Variants in BMPR1A observed in about 807,000 individuals in gnomAD.
BMPR1A encodes the protein bone morphogenetic protein receptor type 1A, also known as bone morphogenetic protein receptor type-1A.
BMPR1A carries 7 observed loss-of-function variants against 66.0 expected under a neutral mutation model. That is an observed-to-expected ratio of 0.11 (90% CI 0.06 to 0.20). The LOEUF is 0.20. Ranked by LOEUF, BMPR1A falls within the 10% of genes least tolerant of loss-of-function variation. The pLI is 1.00. For synonymous variants in BMPR1A, 200 were observed against 229.7 expected, an observed-to-expected ratio of 0.87 and a Z score of 1.17; for missense variants, 408 against 669.1, an observed-to-expected ratio of 0.61 and a Z score of 4.31.
intron 1 of BMPR1A, among the ~76,000 whole-genome samples, chr10:86,785,249 T>C (rs1841498814): frequency 6.6e-6 from 1 of 152,236 alleles, no homozygotes; most frequent in South Asian, 2.1e-4. Flanking sequence ...TCTTGGAGAA[T>C]GTTGCATGTG....
chr10:86,819,001 G>A (rs1045110211), intron 1 of BMPR1A, among the ~76,000 whole-genome samples: 1 of 152,136 alleles, frequency 6.6e-6, no homozygotes, highest in African/African-American at 2.4e-5. Flanking sequence ...TCCTGCCTCC[G>A]AATTGTTTTG....
chr10:86,813,865 A>T (rs565003615), intron 1 of BMPR1A, among the ~76,000 whole-genome samples: 6 of 152,326 alleles, frequency 3.9e-5, no homozygotes, highest in Admixed American at 3.9e-4. Context: ...AGAAGGGCTT[A>T]TGGGAACAAT....
At chr10:86,900,442 G>C (rs749673) in intron 7 of BMPR1A, among the ~76,000 whole-genome samples, 1 of 146,702 alleles carries the variant, frequency 6.8e-6, no homozygotes, top group African/African-American at 2.5e-5. Context: ...TTTTTTTTGC[G>C]TTATAATTCT....
chr10:86,790,560 A>C (rs1348445728), intron 1 of BMPR1A, among the ~76,000 whole-genome samples: 1 of 152,172 alleles, frequency 6.6e-6, no homozygotes, highest in African/African-American at 2.4e-5. Context: ...CAACCGATAA[A>C]TAGATAAACA....
chr10:86,811,013 A>G (rs1020531767), intron 1 of BMPR1A, among the ~76,000 whole-genome samples: 1 of 152,128 alleles, frequency 6.6e-6, no homozygotes, highest in Non-Finnish European at 1.5e-5. Context: ...GTGAACCACC[A>G]CAGCACCCGG....
chr10:86,781,853 A>ATT (rs1589713138), intron 1 of BMPR1A, among the ~76,000 whole-genome samples: 1 of 100,976 alleles, frequency 9.9e-6, no homozygotes. Context: ...ATATGACAGG[A>ATT]TTTCTTTTTT....
chr10:86,845,172 C>T (rs1842467163), intron 2 of BMPR1A, among the ~76,000 whole-genome samples: 2 of 152,184 alleles, frequency 1.3e-5, no homozygotes, highest in African/African-American at 4.8e-5. Flanking sequence ...AAAAGACTTA[C>T]TGGCTGATAG....
intron 9 of BMPR1A, 94 bp downstream of exon 9, chr10:86,917,420 C>G: frequency 7.0e-7 from 1 of 1,425,218 alleles, no homozygotes; most frequent in African/African-American, 1.4e-5. Flanking sequence ...TGTGTGAGTT[C>G]AACTATATAC....
chr10:86,786,153 C>G (rs1458445253), intron 1 of BMPR1A, among the ~76,000 whole-genome samples: 1 of 152,092 alleles, frequency 6.6e-6, no homozygotes, highest in African/African-American at 2.4e-5. Context: ...TGCTTCTAGC[C>G]AGGGCCAAAA....
chr10:86,846,626 T>C (rs889907955), intron 2 of BMPR1A, among the ~76,000 whole-genome samples: 2 of 151,888 alleles, frequency 1.3e-5, no homozygotes, highest in African/African-American at 4.8e-5. Context: ...GCATGAACCC[T>C]GGAGGTGGAG....
At chr10:86,859,004 A>G (rs59880356) in intron 2 of BMPR1A, among the ~76,000 whole-genome samples, 2 of 152,232 alleles carry the variant, frequency 1.3e-5, no homozygotes, top group Non-Finnish European at 2.9e-5. Context: ...GAGGCATCAC[A>G]CTACCAGACT....
intron 3 of BMPR1A, among the ~76,000 whole-genome samples, chr10:86,884,661 C>T (rs61856961): frequency 0.15 from 22,486 of 151,412 alleles, 2,678 homozygotes; most frequent in East Asian, 0.67. Flanking sequence ...GCAGTCCACC[C>T]GCCTCGGCCT....
At chr10:86,884,628 T>G (rs1295113926) in intron 3 of BMPR1A, among the ~76,000 whole-genome samples, 1 of 151,256 alleles carries the variant, frequency 6.6e-6, no homozygotes, top group Admixed American at 6.6e-5. Flanking sequence ...TTGGCCAGAC[T>G]GGTCTCAAAC....
chr10:86,905,953 C>G (rs1280467026), intron 7 of BMPR1A, among the ~76,000 whole-genome samples: 1 of 152,116 alleles, frequency 6.6e-6, no homozygotes, highest in Admixed American at 6.5e-5. Flanking sequence ...ATTTTTATCA[C>G]TTTCAGCACT....
rs34031688 is a variant in BMPR1A, at chr10:86,765,073, G to A, written c.-268+8154G>A. Reference sequence around the variant, plus strand: ...TAAAAAAACAAAACTGATTTCACAGGATTCTTTTTACTTTTTAAATGTGGC... The same window carrying A: ...TAAAAAAACAAAACTGATTTCACAGAATTCTTTTTACTTTTTAAATGTGGC... On this transcript the variant is annotated intron_variant, in intron 1 of 12. Coordinates refer to ENST00000372037, the MANE Select transcript of BMPR1A (RefSeq NM_004329.3). Among the ~76,000 whole-genome samples, 1,958 of 152,106 alleles carry A rather than the reference G, an allele frequency of 0.013. 26 individuals carry two copies. The highest frequency in any genetic ancestry group is 0.022 in the Non-Finnish European group (1,496 of 67,968).
At chr10:86,858,577 TA>T (rs1410480275) in intron 2 of BMPR1A, among the ~76,000 whole-genome samples, 2 of 152,186 alleles carry the variant, frequency 1.3e-5, no homozygotes, top group African/African-American at 2.4e-5. Context: ...TTAGAACTGA[TA>T]AATGAATTTA....
chr10:86,773,946 GT>G (rs1224573107), intron 1 of BMPR1A, among the ~76,000 whole-genome samples: 1 of 151,612 alleles, frequency 6.6e-6, no homozygotes, highest in Non-Finnish European at 1.5e-5. Flanking sequence ...TGCCTCCTGG[GT>G]TCAAGCGATT....
rs1469597503 is a variant in BMPR1A at position 86,917,294 on chromosome 10, A to C, written c.836A>C (p.Gln279Pro). 1 of 1,614,142 alleles carries C rather than the reference A, an allele frequency of 6.2e-7. No homozygotes were observed. The highest frequency in any genetic ancestry group is 1.1e-5 in the South Asian group (1 of 91,066). The change falls in exon 9 of 13, where the codon CAA becomes CCA. Residue 279 changes from glutamine (Q) to proline (P), a missense_variant. Coordinates refer to ENST00000372037, the MANE Select transcript of BMPR1A (RefSeq NM_004329.3). ...ASWFRETEIY[Q>P]TVLMRHENIL... ...TGGTTTCGAGAAACAGAAATCTACC[A>C]AACTGTGCTAATGCGCCATGAAAAC...
At chr10:86,807,866 A>C (rs1172774281) in intron 1 of BMPR1A, among the ~76,000 whole-genome samples, 1 of 152,116 alleles carries the variant, frequency 6.6e-6, no homozygotes, top group Non-Finnish European at 1.5e-5. Flanking sequence ...TCCTGAATTC[A>C]AGCAGTTTTC....
Sources: allele counts gnomAD v4.1 joint callset (sites outside exome capture counted in the v4.1 genomes callset), GRCh38; gene constraint gnomAD v4.1.1; transcripts MANE v1.5; gene names NCBI Gene and HGNC (gene_info 2026-07-23, HGNC 2026-07-21).